The following VPS35L variants were observed in gnomAD, a reference collection of about 807,000 sequenced individuals.
VPS35L encodes the protein VPS35 endosomal protein-sorting factor-like.
In VPS35L, 83 loss-of-function variants were observed where a neutral mutation model predicts 133.0. The ratio of observed to expected loss-of-function variants is 0.62; its 90% CI spans 0.52 to 0.75. The LOEUF (loss-of-function observed/expected upper bound fraction) is 0.75, where lower values mean the gene tolerates loss of function less well. Ranked by LOEUF, VPS35L falls within the 30% of genes least tolerant of loss-of-function variation. The probability of loss-of-function intolerance (pLI) is 0.00; values close to 1 mark genes in which losing one functional copy is unlikely to be tolerated. For synonymous variants in VPS35L, 423 were observed against 449.9 expected (o/e 0.94, Z 0.76); for missense variants, 1,083 against 1,206.8 (o/e 0.90, Z 1.52).
Position 19,642,422 on chromosome 16 carries a change from C to T in VPS35L, c.1811C>T (p.Pro604Leu), listed in dbSNP as rs151122062. The change falls in exon 22 of 31, where the codon CCG (proline) becomes CTG (leucine). Residue 604 changes from proline (P) to leucine (L), a missense_variant. Pro to Leu is a moderately conservative substitution (Grantham distance 98, BLOSUM62 -3). Coordinates refer to ENST00000417362, the MANE Select transcript of VPS35L (RefSeq NM_020314.7). ...CATCAACAAGAGCCCACCAAGGACC[C>T]GGTCATCTTGAATGCCCTTTTGCAT... ...IKHQQEPTKD[P>L]VILNALLHVC... 1.1e-4 allele frequency: 182 copies of T among 1,613,772 alleles called. 2 individuals carry two copies. In the African/African-American group the frequency reaches 2.0e-3, roughly 18 times the overall value.
At chr16:19,570,454 C>A (rs1971325822) in intron 3 of VPS35L, among the ~76,000 whole-genome samples, 1 of 152,084 alleles carries the variant, frequency 6.6e-6, no homozygotes, top group African/African-American at 2.4e-5. Context: ...GTGAAAAAGT[C>A]AGACACTACA....
chr16:19,629,054 G>A (rs974102947), intron 17 of VPS35L, among the ~76,000 whole-genome samples: 1 of 152,120 alleles, frequency 6.6e-6, no homozygotes, highest in Non-Finnish European at 1.5e-5. Context: ...GGGATTACAG[G>A]CGTGAGCCAC....
intron 4 of VPS35L, 36 bp from the exon 5 acceptor site, chr16:19,575,062 A>G (rs1971488690): frequency 1.9e-6 from 3 of 1,559,332 alleles, no homozygotes; most frequent in Non-Finnish European, 2.6e-6. Context: ...ACTGCCTTCG[A>G]TTTTTAAAAT....
intron 17 of VPS35L, 112 bp downstream of exon 17, chr16:19,628,865 C>T: frequency 2.8e-6 from 1 of 358,498 alleles, no homozygotes. Context: ...CATCTCGGCT[C>T]ACTGCAACCT....
At chr16:19,577,497 A>G (rs928978548) in intron 5 of VPS35L, among the ~76,000 whole-genome samples, 12 of 152,198 alleles carry the variant, frequency 7.9e-5, no homozygotes, top group African/African-American at 2.7e-4. Flanking sequence ...GAGACTTTGT[A>G]TGAATATAGA....
At chr16:19,588,520 TTTC>T (rs764033712) in intron 7 of VPS35L, among the ~76,000 whole-genome samples, 8 of 152,150 alleles carry the variant, frequency 5.3e-5, no homozygotes, top group African/African-American at 1.7e-4. Flanking sequence ...TAACTTTTTT[TTTC>T]TTCTTCTTTT....
intron 19 of VPS35L, among the ~76,000 whole-genome samples, chr16:19,637,291 T>C (rs1973650419): frequency 6.6e-6 from 1 of 152,174 alleles, no homozygotes; most frequent in African/African-American, 2.4e-5. Flanking sequence ...GAGTCCTTAC[T>C]GCTTTGATCT....
At chr16:19,651,779 ATCAC>A (rs1480188279) in intron 25 of VPS35L, among the ~76,000 whole-genome samples, 193 bp from the exon 26 acceptor site, 6 of 152,082 alleles carry the variant, frequency 3.9e-5, no homozygotes, top group African/African-American at 1.4e-4. Context: ...TTCCTGCATT[ATCAC>A]TCACTCCCCT....
Position 19,573,104 on chromosome 16 carries a change from C to T in VPS35L, c.286-15C>T. On this transcript the variant is annotated splice_polypyrimidine_tract_variant and intron_variant, in intron 3 of 30. Coordinates refer to ENST00000417362, the MANE Select transcript of VPS35L (RefSeq NM_020314.7). ...ATGATATTGCTGCTGAAGAGATTAT[C>T]TTGCCTTTCTTTAGGACAGCTCCAG... The T allele has an allele frequency of 1.9e-6, 3 of 1,611,074 alleles. No homozygotes were observed. Among genetic ancestry groups the T allele is most frequent in the Non-Finnish European group, 2.5e-6 (3 of 1,178,468 alleles).
intron 8 of VPS35L, among the ~76,000 whole-genome samples, chr16:19,595,522 T>C (rs796389044): frequency 3.2e-4 from 48 of 152,280 alleles, no homozygotes; most frequent in Middle Eastern, 3.4e-3. Flanking sequence ...AATTAACCTC[T>C]TGGCCGTCTG....
chr16:19,654,564 G>C (rs758231603), intron 26 of VPS35L, among the ~76,000 whole-genome samples: 5 of 148,590 alleles, frequency 3.4e-5, no homozygotes, highest in Non-Finnish European at 7.5e-5. Context: ...AAAAAAGAAA[G>C]AAACAACAAT....
rs148484271 is a variant in VPS35L at position 19,698,029 on chromosome 16, C to T, written c.2647-1473C>T. On this transcript the variant is annotated intron_variant, in intron 29 of 30. Transcript: ENST00000417362. ...ACAAACTTGGCATCTTAAAGCAGTA[C>T]CCATTTTTGATCTCACTGTTTGGTA... is the stretch of plus-strand genomic sequence containing the variant. 3.8e-3 allele frequency among the ~76,000 whole-genome samples: 578 copies of T among 152,330 alleles called. 4 individuals carry two copies. Among genetic ancestry groups the T allele is most frequent in the African/African-American group, 0.013 (535 of 41,582 alleles).
At chr16:19,679,702 G>C (rs990702611) in intron 27 of VPS35L, among the ~76,000 whole-genome samples, 2 of 151,636 alleles carry the variant, frequency 1.3e-5, no homozygotes. Context: ...ACGGGGTTTC[G>C]CCATGTTGGC....
At chr16:19,619,633 A>G (rs2151556766) in intron 14 of VPS35L, among the ~76,000 whole-genome samples, 1 of 152,214 alleles carries the variant, frequency 6.6e-6, no homozygotes, top group South Asian at 2.1e-4. Context: ...TCTTCTTTTT[A>G]TTTTAAGCCC....
chr16:19,578,399 G>A (rs1405601179), intron 5 of VPS35L: 2 of 421,282 alleles, frequency 4.7e-6, no homozygotes, highest in South Asian at 3.5e-5. Flanking sequence ...CTAGAACAGA[G>A]GCCCCCTAAA....
intron 24 of VPS35L, among the ~76,000 whole-genome samples, chr16:19,649,944 A>C (rs1436820653): frequency 6.6e-6 from 1 of 152,190 alleles, no homozygotes; most frequent in Non-Finnish European, 1.5e-5. Flanking sequence ...TGATGTGGCT[A>C]CTATCATTAT....
At chr16:19,670,248 G>T (rs887214596) in intron 27 of VPS35L, among the ~76,000 whole-genome samples, 3 of 152,220 alleles carry the variant, frequency 2.0e-5, no homozygotes, top group African/African-American at 7.2e-5. Flanking sequence ...TGGGATTAGG[G>T]TCTCCGTGTA....
chr16:19,613,711 G>T (rs1404649650), intron 12 of VPS35L, among the ~76,000 whole-genome samples: 1 of 152,154 alleles, frequency 6.6e-6, no homozygotes, highest in East Asian at 1.9e-4. Flanking sequence ...CGTGGCCATG[G>T]GTTGGGGTCT....
chr16:19,627,869 G>C, intron 16 of VPS35L, 64 bp downstream of exon 16: 1 of 1,335,248 alleles, frequency 7.5e-7, no homozygotes, highest in Non-Finnish European at 1.1e-6. Flanking sequence ...TAGCTCTTGA[G>C]AGACAGTCCG....
Sources: allele counts gnomAD v4.1 joint callset (sites outside exome capture counted in the v4.1 genomes callset), GRCh38; gene constraint gnomAD v4.1.1; transcripts MANE v1.5; gene names NCBI Gene and HGNC (gene_info 2026-07-23, HGNC 2026-07-21).